CDK5RAP2: variants seen among roughly 807,000 people sequenced by gnomAD.
CDK5RAP2 encodes the protein CDK5 regulatory subunit associated protein 2, also known as CDK5 regulatory subunit-associated protein 2.
CDK5RAP2 carries 147 observed loss-of-function variants against 232.9 expected under a neutral mutation model. The ratio of observed to expected loss-of-function variants is 0.63; its 90% confidence interval spans 0.55 to 0.72. The LOEUF (loss-of-function observed/expected upper bound fraction) is 0.72. Among genes scored for constraint, CDK5RAP2 ranks in the 30% least tolerant of loss-of-function variants. The pLI is 0.00. For synonymous variants in CDK5RAP2, 833 were observed against 833.7 expected (o/e 1.00, Z 0.01); for missense variants, 2,195 against 2,231.5 (o/e 0.98, Z 0.33).
chr9:120,400,070 C>T (rs998019639), intron 35 of CDK5RAP2, among the ~76,000 whole-genome samples: 28 of 152,162 alleles, frequency 1.8e-4, no homozygotes, highest in Non-Finnish European at 1.5e-5. Flanking sequence ...TATCACACCA[C>T]CAAGCAGAGA....
chr9:120,503,012 G>T (rs2039644840), intron 12 of CDK5RAP2, among the ~76,000 whole-genome samples: 1 of 152,114 alleles, frequency 6.6e-6, no homozygotes, highest in Non-Finnish European at 1.5e-5. Flanking sequence ...GCCCACAGAG[G>T]TTGAGATATT....
intron 12 of CDK5RAP2, among the ~76,000 whole-genome samples, chr9:120,506,008 T>G (rs1461042137): frequency 6.6e-6 from 1 of 152,230 alleles, no homozygotes; most frequent in Non-Finnish European, 1.5e-5. Context: ...AGGTTTTCAA[T>G]GCAGATGAAA....
chr9:120,521,785 A>G (rs1000156330), intron 11 of CDK5RAP2, among the ~76,000 whole-genome samples: 1 of 151,102 alleles, frequency 6.6e-6, no homozygotes, highest in East Asian at 1.9e-4. Flanking sequence ...AGCTGGGACT[A>G]CAGGCGCCCA....
intron 19 of CDK5RAP2, among the ~76,000 whole-genome samples, chr9:120,458,976 C>A (rs1395011298): frequency 6.6e-6 from 1 of 152,220 alleles, no homozygotes; most frequent in Admixed American, 6.5e-5. Flanking sequence ...GTCTTACTCA[C>A]TACAGGTGCA....
chr9:120,580,019 G>T lies in CDK5RAP2; in HGVS notation c.-41C>A. On this transcript the variant is annotated 5_prime_UTR_variant, in exon 1 of 38. Transcript: ENST00000349780. ...GACAGCGTTGGTGTCTGTGGCGGCG[G>T]CGCCACTAGTACCCCCCGCGATAGC... 7.3e-7 allele frequency: 1 copy of T among 1,371,686 alleles called. No homozygotes were observed. The highest frequency in any genetic ancestry group is 1.0e-6 in the Non-Finnish European group (1 of 964,586). 85.0% of individuals were successfully genotyped at this position (1,371,686 alleles called of 1,614,324 possible). A position where few individuals can be genotyped will look rare whatever the true frequency, so the allele number is the denominator to read the frequency against.
chr9:120,489,443 T>G (rs1055406875), intron 13 of CDK5RAP2, among the ~76,000 whole-genome samples: 13 of 148,452 alleles, frequency 8.8e-5, no homozygotes, highest in Non-Finnish European at 1.3e-4. Context: ...TTTCCTCTGT[T>G]TTGCCTGTCT....
chr9:120,443,476 C>T, intron 23 of CDK5RAP2, 144 bp downstream of exon 23: 2 of 1,002,414 alleles, frequency 2.0e-6, no homozygotes, highest in Non-Finnish European at 3.1e-6. Context: ...TTTCTTAAAA[C>T]CTCAGCTTCC....
At chr9:120,546,485 G>A (rs2041845896) in intron 4 of CDK5RAP2, among the ~76,000 whole-genome samples, 1 of 152,156 alleles carries the variant, frequency 6.6e-6, no homozygotes, top group Non-Finnish European at 1.5e-5. Flanking sequence ...CTGAACAGTG[G>A]CAGACTTCTC....
chr9:120,432,874 G>T (rs572211964), intron 25 of CDK5RAP2, among the ~76,000 whole-genome samples: 1 of 152,336 alleles, frequency 6.6e-6, no homozygotes, highest in East Asian at 1.9e-4. Flanking sequence ...GACAGAAAAT[G>T]ACTTGGGCCT....
chr9:120,457,445 C>G (rs975034149), intron 20 of CDK5RAP2, among the ~76,000 whole-genome samples: 4 of 152,206 alleles, frequency 2.6e-5, no homozygotes, highest in African/African-American at 9.7e-5. Flanking sequence ...TTCTCAAGCA[C>G]CAACTACTAC....
chr9:120,548,983 C>A (rs2041953576), intron 4 of CDK5RAP2, among the ~76,000 whole-genome samples: 1 of 152,106 alleles, frequency 6.6e-6, no homozygotes, highest in South Asian at 2.1e-4. Flanking sequence ...ATGGGGAAAC[C>A]CCATCTCTAC....
At chr9:120,457,659 A>G (rs1426172964) in intron 20 of CDK5RAP2, among the ~76,000 whole-genome samples, 1 of 152,258 alleles carries the variant, frequency 6.6e-6, no homozygotes, top group East Asian at 1.9e-4. Context: ...TAGAAGAAAT[A>G]CTAGGGTTCC....
At chr9:120,472,156 T>C (rs1406972581) in intron 15 of CDK5RAP2, among the ~76,000 whole-genome samples, 1 of 152,230 alleles carries the variant, frequency 6.6e-6, no homozygotes, top group Non-Finnish European at 1.5e-5. Flanking sequence ...AGACATACAA[T>C]GCTGATATGC....
intron 5 of CDK5RAP2, among the ~76,000 whole-genome samples, chr9:120,540,384 AT>A (rs1271628830): frequency 6.6e-6 from 1 of 151,978 alleles, no homozygotes; most frequent in African/African-American, 2.4e-5. Context: ...GATACATAAA[AT>A]TTTTCCAACT....
intron 21 of CDK5RAP2, among the ~76,000 whole-genome samples, chr9:120,451,089 T>G (rs1358414008): frequency 1.3e-5 from 2 of 152,206 alleles, no homozygotes; most frequent in Non-Finnish European, 2.9e-5. Context: ...AGAAAACATA[T>G]CTGCAAGTGC....
chr9:120,443,501 G>C lies in CDK5RAP2; in HGVS notation c.3148+119C>G, dbSNP rs559105489. ...CCTCAGCTTCCCATGTGTTAGACTG[G>C]AATGATAATAATGCCCTGAGAGGGC... On this transcript the variant is annotated intron_variant, in intron 23 of 37. Coordinates refer to ENST00000349780, the MANE Select transcript of CDK5RAP2 (RefSeq NM_018249.6). 112 of 1,170,886 alleles carry C rather than the reference G, an allele frequency of 9.6e-5. No individual in the cohort carries two copies. The African/African-American group carries it at 1.2e-3, about 13-fold the overall frequency. 72.5% of individuals were successfully genotyped at this position (1,170,886 alleles called of 1,614,324 possible). A position where few individuals can be genotyped will look rare whatever the true frequency, so the allele number is the denominator to read the frequency against.
intron 18 of CDK5RAP2, among the ~76,000 whole-genome samples, chr9:120,461,569 G>A (rs908307347): frequency 7.2e-5 from 11 of 152,278 alleles, no homozygotes; most frequent in Non-Finnish European, 1.3e-4. Context: ...GGCCAGGTGC[G>A]GTGGCTCACA....
intron 28 of CDK5RAP2, among the ~76,000 whole-genome samples, chr9:120,411,844 C>T (rs547036252): frequency 3.3e-5 from 5 of 152,318 alleles, no homozygotes; most frequent in African/African-American, 1.2e-4. Context: ...CAAAGCTGAA[C>T]TCCTTATCCT....
intron 14 of CDK5RAP2, among the ~76,000 whole-genome samples, chr9:120,478,679 G>T (rs983276561): frequency 3.9e-5 from 6 of 152,162 alleles, no homozygotes; most frequent in Non-Finnish European, 7.3e-5. Flanking sequence ...TATTTGGGAG[G>T]CTAAGACAGG....
Sources: gnomAD v4.1 joint callset for allele counts (sites outside exome capture counted in the v4.1 genomes callset) on GRCh38, gnomAD v4.1.1 for gene constraint, MANE v1.5 for transcripts, NCBI Gene and HGNC (gene_info 2026-07-23, HGNC 2026-07-21) for gene names.